The following ZNF555 variants were observed in gnomAD, a reference collection of about 807,000 sequenced individuals.
ZNF555 encodes zinc finger protein 555.
In ZNF555, 10 loss-of-function variants were observed where a neutral mutation model predicts 14.0. That is an observed-to-expected ratio of 0.72 (90% CI 0.44 to 1.21). The LOEUF (loss-of-function observed/expected upper bound fraction) is 1.21, where lower values mean the gene tolerates loss of function less well. Ranked by LOEUF, ZNF555 falls within the 50% of genes most tolerant of loss-of-function variation. The probability of loss-of-function intolerance (pLI) is 0.00; values close to 1 mark genes in which losing one functional copy is unlikely to be tolerated. For missense variants in ZNF555, 747 were observed against 762.0 expected, an observed-to-expected ratio of 0.98 and a Z score of 0.23; for synonymous variants, 277 against 262.4, an observed-to-expected ratio of 1.06 and a Z score of -0.54.
At chr19:2,847,915 G>A (rs2087595069) in intron 1 of ZNF555, among the ~76,000 whole-genome samples, 1 of 152,182 alleles carries the variant, frequency 6.6e-6, no homozygotes, top group Non-Finnish European at 1.5e-5. Context: ...GGGAAGCAGG[G>A]AACACTCCAG....
chr19:2,841,760 G>C (rs2087538608), intron 1 of ZNF555, among the ~76,000 whole-genome samples, 185 bp downstream of exon 1: 2 of 151,576 alleles, frequency 1.3e-5, no homozygotes, highest in African/African-American at 4.8e-5. Context: ...CGGCTAGGGC[G>C]CTCCGAGCTC....
Position 2,854,902 on chromosome 19 carries a change from CTG to C in ZNF555, c.*951_*952del, listed in dbSNP as rs1422965165. The stretch of plus-strand genomic sequence containing the variant: ...TTCAGACTGTCTTGTTTGGCAGTCT[CTG>C]AGCTTCTGATTCTCCCGTTCTGTAG... On this transcript the variant is annotated 3_prime_UTR_variant, in exon 4 of 4. Transcript: ENST00000334241. 6.6e-5 allele frequency: 10 copies of C among 152,214 alleles called. No individual in the cohort carries two copies. The highest frequency in any genetic ancestry group is 6.5e-4 in the Admixed American group (10 of 15,272). 9.4% of individuals were successfully genotyped at this position (152,214 alleles called of 1,614,324 possible).
chr19:2,842,372 A>G (rs77764540), intron 1 of ZNF555, among the ~76,000 whole-genome samples: 7,590 of 152,276 alleles, frequency 0.05, 331 homozygotes, highest in East Asian at 0.2. Context: ...GACTAGAGAA[A>G]CAAGGGAGAG....
intron 1 of ZNF555, 50 bp downstream of exon 1, chr19:2,841,625 G>C: frequency 7.0e-7 from 1 of 1,431,732 alleles, no homozygotes; most frequent in African/African-American, 1.5e-5. Context: ...AGGAACCGGC[G>C]ACCGCCCGAG....
In ZNF555 at chr19:2,859,700, CCCACCACCACCA is replaced by C. The variant is rs531522496; in HGVS notation, c.*5755_*5766del. The stretch of plus-strand genomic sequence containing the variant: ...TAGACAGTGAGGGCTCAGGGAGGCT[CCCACCACCACCA>C]CCACCAGCACCACCACTCCATCAAA... On this transcript the variant is annotated 3_prime_UTR_variant, in exon 4 of 4. Coordinates refer to ENST00000334241, the MANE Select transcript of ZNF555 (RefSeq NM_152791.5). 1 of 152,860 alleles carries C rather than the reference CCCACCACCACCA, an allele frequency of 6.5e-6. No homozygotes were observed. Among genetic ancestry groups the C allele is most frequent in the African/African-American group, 2.4e-5 (1 of 41,406 alleles). 9.5% of individuals were successfully genotyped at this position (152,860 alleles called of 1,614,324 possible).
At position 2,851,443 on chromosome 19, in the gene ZNF555, T is replaced by C. The variant is rs370006039; in HGVS notation, c.131-25T>C. On this transcript the variant is annotated intron_variant, in intron 2 of 3. Coordinates refer to ENST00000334241, the MANE Select transcript of ZNF555 (RefSeq NM_152791.5). The stretch of plus-strand genomic sequence containing the variant: ...TTCCGCTAACAAGTGCCTTCTTATA[T>C]GATTTGTTTACTTTTTGGTTTCAGA... The C allele has an allele frequency of 5.3e-5, 82 of 1,547,084 alleles. 1 individual carries two copies. The African/African-American group carries it at 1.0e-3, about 19-fold the overall frequency.
At position 2,853,748 on chromosome 19, in the gene ZNF555, G is replaced by C. The variant is rs754827423; in HGVS notation, c.1683G>C (p.Glu561Asp). 2.3e-5 allele frequency: 37 copies of C among 1,600,566 alleles called. No homozygotes were observed. The highest frequency in any genetic ancestry group is 3.0e-5 in the Non-Finnish European group (35 of 1,173,476). Residue 561 changes from glutamate to aspartate, a missense_variant, in exon 4 of 4, where the codon GAG becomes GAC. By Grantham distance (45) the Glu-to-Asp change is conservative. Transcript: ENST00000334241. ...LPIHMRLHTG[E>D]KPYQCKHCGK... ...TACATATGAGACTGCACACTGGAGA[G>C]AAACCTTATCAATGTAAGCATTGTG...
Position 2,860,443 on chromosome 19 carries a change from A to T in ZNF555, c.*6491A>T, listed in dbSNP as rs1344187031. The stretch of plus-strand genomic sequence containing the variant: ...CTTAAGCGTTGAGAGGCATATATTT[A>T]TTGCACTATTAAATTCTTCCAAAAT... On this transcript the variant is annotated 3_prime_UTR_variant, in exon 4 of 4. Transcript: ENST00000334241. The T allele has an allele frequency of 6.6e-6, 1 of 152,010 alleles. No individual in the cohort carries two copies. The highest frequency in any genetic ancestry group is 1.5e-5 in the Non-Finnish European group (1 of 68,032). 9.4% of individuals were successfully genotyped at this position (152,010 alleles called of 1,614,324 possible). A position where few individuals can be genotyped will look rare whatever the true frequency, so the allele number is the denominator to read the frequency against.
At position 2,851,146 on chromosome 19, in the gene ZNF555, C is replaced by T. The variant is rs541153691; in HGVS notation, c.131-322C>T. Among the ~76,000 whole-genome samples, 8 of 151,800 alleles carry T rather than the reference C, an allele frequency of 5.3e-5. No homozygotes were observed. In the East Asian group the frequency reaches 9.7e-4, roughly 18 times the overall value. ...CCAAGTAGCTGGGATTACAGGCGAGCGCCACCATCCCTGGCCAATTTTTGT... is the reference window on the plus strand; with the variant it reads ...CCAAGTAGCTGGGATTACAGGCGAGTGCCACCATCCCTGGCCAATTTTTGT... On this transcript the variant is annotated intron_variant, in intron 2 of 3. Coordinates refer to ENST00000334241, the MANE Select transcript of ZNF555 (RefSeq NM_152791.5).
At position 2,857,402 on chromosome 19, in the gene ZNF555, G is replaced by A. The variant is rs2087692231; in HGVS notation, c.*3450G>A. ...AGACTTAAATTTAGAACACTGGAAAGCAAGTATAATTAATTTTACAAATAG... is the reference window on the plus strand; with the variant it reads ...AGACTTAAATTTAGAACACTGGAAAACAAGTATAATTAATTTTACAAATAG... On this transcript the variant is annotated 3_prime_UTR_variant, in exon 4 of 4. Transcript: ENST00000334241. 1 of 152,140 alleles carries A rather than the reference G, an allele frequency of 6.6e-6. No individual in the cohort carries two copies. Among genetic ancestry groups the A allele is most frequent in the African/African-American group, 2.4e-5 (1 of 41,432 alleles). 9.4% of individuals were successfully genotyped at this position (152,140 alleles called of 1,614,324 possible).
At chr19:2,851,381 A>G (rs1395469568) in intron 2 of ZNF555, 87 bp from the exon 3 acceptor site, 1 of 1,079,954 alleles carries the variant, frequency 9.3e-7, no homozygotes, top group Non-Finnish European at 1.3e-6. Flanking sequence ...TTTGTGTTTA[A>G]TGAAGTCCTG....
rs1464460814 is a variant in ZNF555, at chr19:2,859,309, G to C, written c.*5357G>C. The C allele has an allele frequency of 6.6e-6, 1 of 152,280 alleles. No individual in the cohort carries two copies. Among genetic ancestry groups the C allele is most frequent in the Non-Finnish European group, 1.5e-5 (1 of 68,092 alleles). The allele number at this position is 152,280 out of a possible 1,614,324, so 9.4% of individuals were successfully genotyped here. ...GGAAGCTCTCCTCTTGCCCTCTTCAGCTTCCGGTGTGGTGGGTCCCGGATA... is the reference window on the plus strand; with the variant it reads ...GGAAGCTCTCCTCTTGCCCTCTTCACCTTCCGGTGTGGTGGGTCCCGGATA... On this transcript the variant is annotated 3_prime_UTR_variant, in exon 4 of 4. Coordinates refer to ENST00000334241, the MANE Select transcript of ZNF555 (RefSeq NM_152791.5).
rs113465677 is a variant in ZNF555, at chr19:2,855,330, G to C, written c.*1378G>C. The C allele has an allele frequency of 0.11, 16,622 of 152,110 alleles. 1,010 individuals are homozygous for C. Among genetic ancestry groups the C allele is most frequent in the Non-Finnish European group, 0.14 (9,679 of 67,990 alleles). The allele number at this position is 152,110 out of a possible 1,614,324, so 9.4% of individuals were successfully genotyped here. A position where few individuals can be genotyped will look rare whatever the true frequency, so the allele number is the denominator to read the frequency against. ...TGCCTGTAATCCCTGCACTTTGGGA[G>C]GCTTGAGGTCAGGAGTTTGAGACCA... On this transcript the variant is annotated 3_prime_UTR_variant, in exon 4 of 4. Transcript: ENST00000334241.
chr19:2,845,149 A>G (rs1348477445), intron 1 of ZNF555, among the ~76,000 whole-genome samples: 4 of 152,020 alleles, frequency 2.6e-5, no homozygotes, highest in Non-Finnish European at 4.4e-5. Flanking sequence ...CCCAGCGTCT[A>G]TTGTTTCCAG....
chr19:2,851,650 A>G lies in ZNF555; in HGVS notation c.313A>G (p.Ser105Gly). 1 of 1,559,986 alleles carries G rather than the reference A, an allele frequency of 6.4e-7. No homozygotes were observed. Among genetic ancestry groups the G allele is most frequent in the Non-Finnish European group, 8.7e-7 (1 of 1,152,908 alleles). The change falls in exon 3 of 4, where the codon AGT (serine) becomes GGT (glycine). Residue 105 changes from serine to glycine, a missense_variant and splice_region_variant. Physicochemically the swap from Ser to Gly is moderately conservative, Grantham distance 56. Coordinates refer to ENST00000334241, the MANE Select transcript of ZNF555 (RefSeq NM_152791.5). ...DQTTNQGRNL[S>G]RNHGLERLCE... is the part of the protein sequence containing the mutation. ...AACCACAAACCAGGGGAGAAATCTC[A>G]GGTGAGTTGCACTCACAAGAGAACA...
intron 1 of ZNF555, among the ~76,000 whole-genome samples, chr19:2,850,344 T>C (rs1240600617): frequency 6.6e-6 from 1 of 152,220 alleles, no homozygotes; most frequent in Non-Finnish European, 1.5e-5. Flanking sequence ...TGAATCCTTT[T>C]GATAGAGAAT....
intron 3 of ZNF555, 108 bp downstream of exon 3, chr19:2,851,759 T>G (rs760463193): frequency 1.9e-6 from 2 of 1,027,272 alleles, no homozygotes; most frequent in Non-Finnish European, 2.7e-6. Flanking sequence ...CTAGCTCCAA[T>G]TTGTTTAATC....
chr19:2,853,866 G>T lies in ZNF555; in HGVS notation c.1801G>T (p.Ala601Ser), dbSNP rs756357556. 1 of 1,614,072 alleles carries T rather than the reference G, an allele frequency of 6.2e-7. No homozygotes were observed. Among genetic ancestry groups the T allele is most frequent in the Non-Finnish European group, 8.5e-7 (1 of 1,180,026 alleles). The change falls in exon 4 of 4, where the codon GCA becomes TCA. Residue 601 changes from alanine (A) to serine (S), a missense_variant. Physicochemically the swap from Ala to Ser is moderately conservative, Grantham distance 99 (BLOSUM62 1). Transcript: ENST00000334241. ...QYKCNVGHPP[A>S]NEFMCSASEK... ...TAAGTGTAATGTAGGACATCCTCCTGCAAATGAATTCATGTGCAGTGCTTC... is the reference window on the plus strand; with the variant it reads ...TAAGTGTAATGTAGGACATCCTCCTTCAAATGAATTCATGTGCAGTGCTTC...
In ZNF555 at chr19:2,843,806, G is replaced by A. The variant is rs113254056; in HGVS notation, c.3+2231G>A. Among the ~76,000 whole-genome samples the A allele has an allele frequency of 2.4e-3, 363 of 152,302 alleles. 1 individual carries two copies. Among genetic ancestry groups the A allele is most frequent in the African/African-American group, 8.3e-3 (344 of 41,566 alleles). ...TTTATCCTCTGCAATGCCGGCCCTGGCACTGATCAGATTTCCCCGAACACA... is the reference window on the plus strand; with the variant it reads ...TTTATCCTCTGCAATGCCGGCCCTGACACTGATCAGATTTCCCCGAACACA... On this transcript the variant is annotated intron_variant, in intron 1 of 3. Transcript: ENST00000334241.
Sources: allele counts gnomAD v4.1 joint callset (sites outside exome capture counted in the v4.1 genomes callset), GRCh38; gene constraint gnomAD v4.1.1; transcripts MANE v1.5; gene names NCBI Gene and HGNC (gene_info 2026-07-23, HGNC 2026-07-21).